Variants in KATNAL2 observed in about 807,000 individuals in gnomAD.
KATNAL2 encodes katanin catalytic subunit A1 like 2.
Under a neutral mutation model 76.3 loss-of-function variants are expected in KATNAL2, and 52 were observed. The ratio of observed to expected loss-of-function variants is 0.68; its 90% CI spans 0.55 to 0.86. The LOEUF is 0.86. KATNAL2 is among the 40% of genes least tolerant of loss of function. KATNAL2 has a pLI of 0.00. For synonymous variants in KATNAL2, 243 were observed against 244.2 expected (o/e 1.00, Z 0.05); for missense variants, 660 against 668.9 (o/e 0.99, Z 0.15).
At chr18:47,086,959 C>T (rs1348481259) in intron 15 of KATNAL2, among the ~76,000 whole-genome samples, 4 of 152,062 alleles carry the variant, frequency 2.6e-5, no homozygotes, top group African/African-American at 4.8e-5. Context: ...GGTTGACATG[C>T]GAATCATACA....
chr18:47,067,791 A>C (rs1302172021), intron 11 of KATNAL2, among the ~76,000 whole-genome samples: 7 of 152,252 alleles, frequency 4.6e-5, no homozygotes, highest in Non-Finnish European at 1.0e-4. Flanking sequence ...ATTTGTTTGT[A>C]ATTCCGTGGG....
At chr18:47,100,491 C>G (rs1398325801) in intron 17 of KATNAL2, 135 bp downstream of exon 17, 10 of 683,622 alleles carry the variant, frequency 1.5e-5, no homozygotes, top group Non-Finnish European at 2.5e-5. Flanking sequence ...TCATCCCTCA[C>G]TCAACTCATT....
chr18:46,946,657 CCAGTGTCATG>C lies in KATNAL2; in HGVS notation c.-20+114_-20+123del. The C allele has an allele frequency of 2.6e-6, 3 of 1,149,718 alleles. No homozygotes were observed. In the South Asian group the frequency reaches 5.3e-5, roughly 20 times the overall value. The allele number at this position is 1,149,718 out of a possible 1,614,324, so 71.2% of individuals were successfully genotyped here. On this transcript the variant is annotated intron_variant, in intron 2 of 17. Coordinates refer to ENST00000683218, the MANE Select transcript of KATNAL2 (RefSeq NM_001387690.1). ...CTTCCCTCTTCGATCTCTTCATTGGCCAGTGTCATGCAAACACTCTGGATTAAACATGCAT... is the reference window on the plus strand; with the variant it reads ...CTTCCCTCTTCGATCTCTTCATTGGCCAAACACTCTGGATTAAACATGCAT...
intron 3 of KATNAL2, among the ~76,000 whole-genome samples, chr18:47,042,387 T>G (rs2060993527): frequency 6.6e-6 from 1 of 152,210 alleles, no homozygotes; most frequent in Non-Finnish European, 1.5e-5. Context: ...GCACTCTGAA[T>G]AAAGGCTTAT....
At chr18:47,033,414 C>G in intron 3 of KATNAL2, 1 of 1,613,492 alleles carries the variant, frequency 6.2e-7, no homozygotes, top group Non-Finnish European at 8.5e-7. Flanking sequence ...CTCTCAGCCG[C>G]TGCTCTGGGG....
chr18:46,951,429 C>G (rs1261177472), intron 3 of KATNAL2, among the ~76,000 whole-genome samples: 1 of 122,240 alleles, frequency 8.2e-6, no homozygotes, highest in African/African-American at 3.1e-5. Flanking sequence ...TTTTTTTTTA[C>G]TGGGTGGTAT....
At chr18:46,944,887 A>G (rs2059343088) in intron 1 of KATNAL2, among the ~76,000 whole-genome samples, 1 of 152,186 alleles carries the variant, frequency 6.6e-6, no homozygotes, top group Non-Finnish European at 1.5e-5. Context: ...AGATCGTGCA[A>G]CTGCACTCCA....
chr18:46,938,786 T>C (rs1385613219), intron 1 of KATNAL2, among the ~76,000 whole-genome samples: 1 of 152,170 alleles, frequency 6.6e-6, no homozygotes, highest in Non-Finnish European at 1.5e-5. Context: ...AGTCCCTTGT[T>C]TCAACTCCCT....
chr18:47,100,411 C>T, intron 17 of KATNAL2, 55 bp downstream of exon 17: 5 of 1,430,190 alleles, frequency 3.5e-6, no homozygotes, highest in Non-Finnish European at 4.9e-6. Context: ...AAATCCCTCT[C>T]ACCAGCAGAT....
Position 47,053,047 on chromosome 18 carries a change from G to A in KATNAL2, c.289+1G>A. ...ATTGTCAAAAAGTCATCAGACACAGGTACATGCCTATTTTCTAGAGATAAG... is the reference window on the plus strand; with the variant it reads ...ATTGTCAAAAAGTCATCAGACACAGATACATGCCTATTTTCTAGAGATAAG... On this transcript the variant is annotated splice_donor_variant, in intron 5 of 17. Transcript: ENST00000683218. LOFTEE classifies it high-confidence loss of function. 2 of 1,585,540 alleles carry A rather than the reference G, an allele frequency of 1.3e-6. No homozygotes were observed. Among genetic ancestry groups the A allele is most frequent in the Non-Finnish European group, 1.7e-6 (2 of 1,168,002 alleles).
At chr18:47,085,366 T>C (rs1599832178) in intron 15 of KATNAL2, among the ~76,000 whole-genome samples, 1 of 152,196 alleles carries the variant, frequency 6.6e-6, no homozygotes, top group Non-Finnish European at 1.5e-5. Flanking sequence ...AAGCTAACTT[T>C]GGGAGACATT....
chr18:46,945,655 TG>T (rs925201061), intron 1 of KATNAL2, among the ~76,000 whole-genome samples: 2 of 152,268 alleles, frequency 1.3e-5, no homozygotes, highest in Admixed American at 1.3e-4. Context: ...TTTGGCTTTT[TG>T]GGCCTGTTTG....
chr18:47,070,822 A>G (rs1242661869), intron 13 of KATNAL2, among the ~76,000 whole-genome samples: 1 of 152,196 alleles, frequency 6.6e-6, no homozygotes, highest in Non-Finnish European at 1.5e-5. Flanking sequence ...AATTCTTGTT[A>G]CCCATTCAAG....
Position 46,952,890 on chromosome 18 carries a change from C to CTT in KATNAL2, c.51+5988_51+5989dup, listed in dbSNP as rs35782374. Among the ~76,000 whole-genome samples the CTT allele has an allele frequency of 7.0e-3, 655 of 93,030 alleles. 11 individuals carry two copies. The highest frequency in any genetic ancestry group is 0.018 in the African/African-American group (416 of 23,398). 61.0% of individuals were successfully genotyped at this position (93,030 alleles called of 152,430 possible). A position where few individuals can be genotyped will look rare whatever the true frequency, so the allele number is the denominator to read the frequency against. ...TCCCTCCCTCCCTGCTTCCTTCCTT[C>CTT]TTTTTTTTTTTTTTTTTTTTTTGAG... On this transcript the variant is annotated intron_variant, in intron 3 of 17. Transcript: ENST00000683218.
chr18:46,947,337 C>T (rs1336000027), intron 3 of KATNAL2, among the ~76,000 whole-genome samples: 1 of 152,160 alleles, frequency 6.6e-6, no homozygotes, highest in Non-Finnish European at 1.5e-5. Flanking sequence ...CCTGATTTGC[C>T]ATCACTAAGG....
chr18:47,033,626 C>T lies in KATNAL2; in HGVS notation c.52-12831C>T, dbSNP rs531443878. ...AGAACCCAGTAGGGGACCTCTCCCA[C>T]GTCGCTGAGGGCGTCCGGATTGTTT... On this transcript the variant is annotated intron_variant, in intron 3 of 17. Transcript: ENST00000683218. 7 of 1,614,082 alleles carry T rather than the reference C, an allele frequency of 4.3e-6. No individual in the cohort carries two copies. The highest frequency in any genetic ancestry group is 4.0e-5 in the African/African-American group (3 of 74,920).
At chr18:47,079,026 G>A (rs2062380211) in intron 15 of KATNAL2, among the ~76,000 whole-genome samples, 1 of 151,896 alleles carries the variant, frequency 6.6e-6, no homozygotes, top group Non-Finnish European at 1.5e-5. Context: ...AAAACACTAA[G>A]GAAAGGAAAA....
In KATNAL2 at chr18:46,946,084, C is replaced by T. The variant is rs1254743456; in HGVS notation, c.-482C>T. On this transcript the variant is annotated 5_prime_UTR_variant, in exon 2 of 18. Transcript: ENST00000683218. ...TGAGGAAACTTGAATATTTTTGTATCCTGAAGGGAGAAATGGATGAAGAAG... is the reference window on the plus strand; with the variant it reads ...TGAGGAAACTTGAATATTTTTGTATTCTGAAGGGAGAAATGGATGAAGAAG... 10 of 464,548 alleles carry T rather than the reference C, an allele frequency of 2.2e-5. No homozygotes were observed. The highest frequency in any genetic ancestry group is 9.0e-5 in the South Asian group (1 of 11,156). The allele number at this position is 464,548 out of a possible 1,614,324, so 28.8% of individuals were successfully genotyped here. A position where few individuals can be genotyped will look rare whatever the true frequency, so the allele number is the denominator to read the frequency against.
chr18:47,081,609 A>T (rs1225391768), intron 15 of KATNAL2, among the ~76,000 whole-genome samples: 2 of 152,202 alleles, frequency 1.3e-5, no homozygotes, highest in African/African-American at 4.8e-5. Context: ...GTCTTCCCTC[A>T]TGCTGCTGTG....
Sources: gnomAD v4.1 joint callset for allele counts (sites outside exome capture counted in the v4.1 genomes callset) on GRCh38, gnomAD v4.1.1 for gene constraint, MANE v1.5 for transcripts, NCBI Gene and HGNC (gene_info 2026-07-23, HGNC 2026-07-21) for gene names.